Variants in CTNND2 observed in about 807,000 individuals in gnomAD.
CTNND2 encodes the protein catenin delta-2.
Under a neutral mutation model 144.4 loss-of-function variants are expected in CTNND2, and 22 were observed. That is an observed-to-expected ratio of 0.15 (90% CI 0.11 to 0.22). The LOEUF (loss-of-function observed/expected upper bound fraction) is 0.22, where lower values mean the gene tolerates loss of function less well. Among genes scored for constraint, CTNND2 ranks in the 10% least tolerant of loss-of-function variants. CTNND2 has a pLI of 1.00. For missense variants in CTNND2, 1,353 were observed against 1,618.8 expected (o/e 0.84, Z 2.82); for synonymous variants, 751 against 695.6 (o/e 1.08, Z -1.25).
At position 11,711,307 on chromosome 5, in the gene CTNND2, T is replaced by C. The variant is rs533620774; in HGVS notation, c.174+20829A>G. 3.3e-3 allele frequency among the ~76,000 whole-genome samples: 497 copies of C among 152,300 alleles called. 2 individuals are homozygous for C. Among genetic ancestry groups the C allele is most frequent in the South Asian group, 0.02 (99 of 4,832 alleles). On this transcript the variant is annotated intron_variant, in intron 2 of 21. Transcript: ENST00000304623. ...CCTGACCTCAGGTGATGCACCCGCC[T>C]TGGCCTCCCAAAGTGCTAGAATTAC...
chr5:11,208,958 A>G (rs980539055), intron 10 of CTNND2, among the ~76,000 whole-genome samples: 1 of 152,170 alleles, frequency 6.6e-6, no homozygotes, highest in African/African-American at 2.4e-5. Context: ...TGTTTTCCTA[A>G]TTACCAGTGA....
intron 16 of CTNND2, among the ~76,000 whole-genome samples, chr5:11,066,168 T>C (rs1214810100): frequency 1.3e-5 from 2 of 152,120 alleles, no homozygotes; most frequent in East Asian, 3.9e-4. Context: ...GCCTCCCAAG[T>C]AGCTGGGACT....
intron 16 of CTNND2, among the ~76,000 whole-genome samples, chr5:11,077,099 G>C (rs61750289): frequency 6.6e-6 from 1 of 152,114 alleles, no homozygotes; most frequent in African/African-American, 2.4e-5. Context: ...ATGACGACAA[G>C]CAGGAAATAT....
At chr5:11,153,476 T>C (rs1358681118) in intron 12 of CTNND2, among the ~76,000 whole-genome samples, 5 of 152,050 alleles carry the variant, frequency 3.3e-5, no homozygotes, top group Admixed American at 6.5e-5. Flanking sequence ...AATGCAAGAG[T>C]AAGCCACAGA....
intron 10 of CTNND2, among the ~76,000 whole-genome samples, chr5:11,207,195 A>G (rs192808357): frequency 2.0e-5 from 3 of 152,174 alleles, no homozygotes; most frequent in East Asian, 3.9e-4. Flanking sequence ...ATGAGAACAC[A>G]TCGACACAGG....
chr5:11,186,966 C>T (rs975084123), intron 11 of CTNND2, among the ~76,000 whole-genome samples: 3 of 152,084 alleles, frequency 2.0e-5, no homozygotes, highest in Non-Finnish European at 2.9e-5. Flanking sequence ...GCACTATGAC[C>T]GGTAAGTGTG....
At chr5:11,822,169 ATAAAGT>A (rs1561834121) in intron 1 of CTNND2, among the ~76,000 whole-genome samples, 1 of 152,210 alleles carries the variant, frequency 6.6e-6, no homozygotes, top group Non-Finnish European at 1.5e-5. Flanking sequence ...ACTCAGAGAT[ATAAAGT>A]TAATGACAGA....
intron 15 of CTNND2, 86 bp downstream of exon 15, chr5:11,098,489 G>T: frequency 6.8e-6 from 8 of 1,171,896 alleles, no homozygotes; most frequent in South Asian, 3.3e-5. Flanking sequence ...TATTAGAGTT[G>T]CATTTCTCAA....
intron 3 of CTNND2, among the ~76,000 whole-genome samples, chr5:11,528,768 T>A (rs528812323): frequency 6.6e-6 from 1 of 152,276 alleles, no homozygotes; most frequent in South Asian, 2.1e-4. Context: ...ACAAAGGAAG[T>A]GAGCAGCGAC....
intron 1 of CTNND2, among the ~76,000 whole-genome samples, chr5:11,777,819 T>C (rs1457636130): frequency 6.6e-6 from 1 of 152,138 alleles, no homozygotes; most frequent in Non-Finnish European, 1.5e-5. Context: ...TAAATAACCT[T>C]AGGTCCCTGT....
intron 2 of CTNND2, among the ~76,000 whole-genome samples, chr5:11,583,651 G>A (rs930326249): frequency 6.6e-6 from 1 of 152,208 alleles, no homozygotes; most frequent in Non-Finnish European, 1.5e-5. Context: ...CACACTGGAT[G>A]TGCAAAATAA....
intron 12 of CTNND2, among the ~76,000 whole-genome samples, chr5:11,137,941 A>G (rs1206524389): frequency 6.6e-6 from 1 of 152,198 alleles, no homozygotes; most frequent in African/African-American, 2.4e-5. Flanking sequence ...CTCTTATTAC[A>G]GGTTGAAAGT....
intron 17 of CTNND2, among the ~76,000 whole-genome samples, chr5:11,020,600 A>G (rs1206056905): frequency 6.6e-6 from 1 of 152,212 alleles, no homozygotes; most frequent in Non-Finnish European, 1.5e-5. Context: ...TTCATGCTCA[A>G]ATTTGGAGCA....
intron 2 of CTNND2, among the ~76,000 whole-genome samples, chr5:11,716,344 A>G (rs1303363687): frequency 6.6e-6 from 1 of 152,238 alleles, no homozygotes; most frequent in East Asian, 1.9e-4. Context: ...CAAAGGATAA[A>G]TGTAACTTCT....
chr5:11,358,621 A>T (rs1335806817), intron 8 of CTNND2, among the ~76,000 whole-genome samples: 6 of 152,238 alleles, frequency 3.9e-5, no homozygotes, highest in Non-Finnish European at 8.8e-5. Context: ...AATATTTTTG[A>T]TACTGGACTA....
chr5:11,180,304 T>C (rs1428282667), intron 11 of CTNND2, among the ~76,000 whole-genome samples: 5 of 152,194 alleles, frequency 3.3e-5, no homozygotes, highest in Admixed American at 6.5e-5. Context: ...TACTCAGCCA[T>C]GTGGAACTGT....
chr5:11,583,708 T>C (rs984299998), intron 2 of CTNND2, among the ~76,000 whole-genome samples: 3 of 152,032 alleles, frequency 2.0e-5, no homozygotes, highest in Admixed American at 6.6e-5. Flanking sequence ...AACAGAGAGG[T>C]CAGGTTTATA....
chr5:11,885,075 G>A (rs1397700978), intron 1 of CTNND2, among the ~76,000 whole-genome samples: 1 of 152,116 alleles, frequency 6.6e-6, no homozygotes, highest in Non-Finnish European at 1.5e-5. Context: ...GTATTCTGTT[G>A]AGGATTTTTA....
intron 20 of CTNND2, among the ~76,000 whole-genome samples, chr5:10,984,998 C>A (rs765547539): frequency 1.3e-5 from 2 of 152,016 alleles, no homozygotes. Flanking sequence ...TGCTTGAACC[C>A]GGGAGGTGGA....
Sources: gnomAD v4.1 joint callset for allele counts (sites outside exome capture counted in the v4.1 genomes callset) on GRCh38, gnomAD v4.1.1 for gene constraint, MANE v1.5 for transcripts, NCBI Gene and HGNC (gene_info 2026-07-23, HGNC 2026-07-21) for gene names.